Variants in WNK2 observed in about 807,000 individuals in gnomAD.
WNK2 encodes the protein serine/threonine-protein kinase WNK2.
In WNK2, 67 loss-of-function variants were observed where a neutral mutation model predicts 192.1. The observed-to-expected ratio is 0.35, with a 90% CI of 0.29 to 0.43. The LOEUF (loss-of-function observed/expected upper bound fraction) is 0.43. Among genes scored for constraint, WNK2 ranks in the 20% least tolerant of loss-of-function variants. The pLI, the probability that WNK2 is intolerant of heterozygous loss-of-function variation, is 1.00. For missense variants in WNK2, 2,698 were observed against 3,089.7 expected (o/e 0.87, Z 3.01); for synonymous variants, 1,439 against 1,393.9 (o/e 1.03, Z -0.72).
chr9:93,197,774 C>T (rs1245211400), intron 2 of WNK2, among the ~76,000 whole-genome samples: 1 of 152,114 alleles, frequency 6.6e-6, no homozygotes, highest in Non-Finnish European at 1.5e-5. Context: ...CTGCCTGCCT[C>T]GGCCTCCCAA....
In WNK2 at chr9:93,259,052, C is replaced by G. The variant is rs1843757326; in HGVS notation, c.2504C>G (p.Ser835Cys). Residue 835 changes from serine (S) to cysteine (C), a missense_variant, in exon 12 of 30, where the codon TCT becomes TGT. Around this residue, in one of 7 missense-constraint regions of WNK2, gnomAD observed 893 missense variants for 909.0 expected, o/e 0.98. Transcript: ENST00000427277. This position sits in a 1 kb window ranked among gnomAD's most constrained non-coding sequence, Gnocchi z 4.8. ...CCCGTGCCACCACCTCAGTATTTCT[C>G]TCCAGCCGTGATCTTGCCGAGCCTC... ...VPPVPPPQYF[S>C]PAVILPSLAA... 2 of 1,612,994 alleles carry G rather than the reference C, an allele frequency of 1.2e-6. No individual in the cohort carries two copies. Among genetic ancestry groups the G allele is most frequent in the South Asian group, 1.1e-5 (1 of 91,080 alleles).
rs535361865 is a variant in WNK2, at chr9:93,256,850, G to C, written c.2191-98G>C. 75 of 1,145,740 alleles carry C rather than the reference G, an allele frequency of 6.5e-5. No homozygotes were observed. The East Asian group carries it at 1.9e-3, about 30-fold the overall frequency. 71.0% of individuals were successfully genotyped at this position (1,145,740 alleles called of 1,614,324 possible). A position where few individuals can be genotyped will look rare whatever the true frequency, so the allele number is the denominator to read the frequency against. On this transcript the variant is annotated intron_variant, in intron 10 of 29. Coordinates refer to ENST00000427277, the MANE Select transcript of WNK2 (RefSeq NM_006648.4). ...TGAATGTGAGCATGTGCGTGTGCAT[G>C]TGAGGGTGAGGGTTGATATCCTGTC...
At chr9:93,263,447 G>A in intron 14 of WNK2, 119 bp from the exon 15 acceptor site, 1 of 1,316,098 alleles carries the variant, frequency 7.6e-7, no homozygotes, top group South Asian at 1.3e-5. Context: ...GGCTGCCTCT[G>A]TAGGTCACAG....
chr9:93,214,697 GCCCC>G (rs371026822), intron 2 of WNK2, among the ~76,000 whole-genome samples: 10 of 80,280 alleles, frequency 1.2e-4, no homozygotes, highest in African/African-American at 4.2e-4. Flanking sequence ...TGAAGGTAGT[GCCCC>G]CCCCCCCCCC....
chr9:93,253,779 A>T (rs1250094277), intron 9 of WNK2, among the ~76,000 whole-genome samples: 1 of 152,150 alleles, frequency 6.6e-6, no homozygotes, highest in East Asian at 1.9e-4. Context: ...CACATTTGGC[A>T]CTTATTTTTT....
At position 93,293,120 on chromosome 9, in the gene WNK2, T is replaced by C; in HGVS notation, c.5655T>C (p.Asp1885=). The C allele has an allele frequency of 6.3e-7, 1 of 1,585,428 alleles. No homozygotes were observed. Among genetic ancestry groups the C allele is most frequent in the Non-Finnish European group, 8.6e-7 (1 of 1,168,160 alleles). ...SQSSYISSDN[D]SELEDADIKK... is the part of the protein sequence containing the mutation. ...CGTCCTACATCAGCAGCGACAATGA[T>C]TCGGAGCTCGAGGATGCTGACATAA... Residue 1885 remains aspartate, a synonymous_variant, in exon 23 of 30, where the codon GAT becomes GAC. Transcript: ENST00000427277.
At chr9:93,301,714 C>T (rs61042273) in intron 26 of WNK2, among the ~76,000 whole-genome samples, 3,365 of 152,252 alleles carry the variant, frequency 0.022, 129 homozygotes, top group African/African-American at 0.077. Context: ...ATGTGCGGCT[C>T]GATCTGGGGC....
At chr9:93,302,922 T>TC (rs1851862306) in intron 26 of WNK2, among the ~76,000 whole-genome samples, 2 of 74,854 alleles carry the variant, frequency 2.7e-5, no homozygotes, top group Admixed American at 3.6e-4. Context: ...CAGAGCAGTC[T>TC]CCCTTTTTTT....
At chr9:93,315,639 C>T (rs184283146) in intron 28 of WNK2, 1 of 152,308 alleles carries the variant, frequency 6.6e-6, no homozygotes, top group African/African-American at 2.4e-5. Flanking sequence ...CTGAAGTCTT[C>T]TCCTTCTTAG....
intron 19 of WNK2, among the ~76,000 whole-genome samples, chr9:93,284,564 C>G (rs1345238885): frequency 2.2e-5 from 3 of 138,628 alleles, no homozygotes; most frequent in African/African-American, 8.2e-5. Flanking sequence ...CTCAGCACTT[C>G]TATTAAGTAT....
intron 19 of WNK2, among the ~76,000 whole-genome samples, chr9:93,281,213 A>G (rs1161755424): frequency 6.6e-6 from 1 of 152,214 alleles, no homozygotes; most frequent in Non-Finnish European, 1.5e-5. Flanking sequence ...TGTAGCAGTT[A>G]TACCTAAATA....
chr9:93,259,237 C>G lies in WNK2; in HGVS notation c.2689C>G (p.Leu897Val). Residue 897 changes from leucine (L) to valine (V), a missense_variant, in exon 12 of 30, where the codon CTG (leucine) becomes GTG (valine). Leu to Val is a conservative substitution (Grantham distance 32). Coordinates refer to ENST00000427277, the MANE Select transcript of WNK2 (RefSeq NM_006648.4). This position sits in a 1 kb window ranked among gnomAD's most constrained non-coding sequence, Gnocchi z 4.8. ...CGTAGCCCCACCGGGCGTGGCTGCC[C>G]TGTCCATTCATTCTGCCGTGGCCCA... Reference protein sequence around the residue: ...LAVAPPGVAALSIHSAVAQLP... With the variant: ...LAVAPPGVAAVSIHSAVAQLP... 1 of 1,613,398 alleles carries G rather than the reference C, an allele frequency of 6.2e-7. No individual in the cohort carries two copies. Among genetic ancestry groups the G allele is most frequent in the South Asian group, 1.1e-5 (1 of 91,082 alleles).
chr9:93,258,985 C>T lies in WNK2; in HGVS notation c.2437C>T (p.Leu813Phe), dbSNP rs779930274. ...PITPLAGIDG[L>F]PPALPDLPTA... The stretch of plus-strand genomic sequence containing the variant: ...CACGCCCCTGGCGGGAATCGACGGC[C>T]TCCCTCCGGCCCTCCCAGACCTGCC... The change falls in exon 12 of 30, where the codon CTC becomes TTC. Residue 813 changes from leucine to phenylalanine, a missense_variant. This residue lies in a region of WNK2 where 893 missense variants were observed against 909.0 expected (regional missense o/e 0.98). Coordinates refer to ENST00000427277, the MANE Select transcript of WNK2 (RefSeq NM_006648.4). 6.2e-7 allele frequency: 1 copy of T among 1,612,980 alleles called. No individual in the cohort carries two copies.
At chr9:93,242,774 GGTC>G (rs1397589350) in intron 7 of WNK2, among the ~76,000 whole-genome samples, 3 of 152,212 alleles carry the variant, frequency 2.0e-5, no homozygotes, top group Non-Finnish European at 4.4e-5. Flanking sequence ...GGATGAGGAA[GGTC>G]CTGGGGCAGC....
intron 4 of WNK2, among the ~76,000 whole-genome samples, chr9:93,232,488 C>T (rs920682560): frequency 6.6e-6 from 1 of 152,168 alleles, no homozygotes. Context: ...GCAGATTTTG[C>T]AAATTTGGCT....
intron 8 of WNK2, among the ~76,000 whole-genome samples, chr9:93,249,977 G>A (rs370239190): frequency 1.4e-5 from 2 of 143,116 alleles, no homozygotes; most frequent in East Asian, 2.1e-4. Flanking sequence ...GCACTGGTGC[G>A]ATGTTGGCTC....
At chr9:93,304,998 C>T (rs1262521265) in intron 26 of WNK2, among the ~76,000 whole-genome samples, 1 of 152,234 alleles carries the variant, frequency 6.6e-6, no homozygotes, top group African/African-American at 2.4e-5. Flanking sequence ...CCAGACACTC[C>T]AGACCCCAGG....
chr9:93,255,136 G>A lies in WNK2; in HGVS notation c.2035-1163G>A, dbSNP rs369008954. Among the ~76,000 whole-genome samples, 10 of 152,320 alleles carry A rather than the reference G, an allele frequency of 6.6e-5. No homozygotes were observed. The East Asian group carries it at 1.7e-3, about 26-fold the overall frequency. On this transcript the variant is annotated intron_variant, in intron 9 of 29. Coordinates refer to ENST00000427277, the MANE Select transcript of WNK2 (RefSeq NM_006648.4). ...CAGTCTTCCTACCTAGTGACACAGAGACAACTTACTCAAAAAGGATGAGGC... is the reference window on the plus strand; with the variant it reads ...CAGTCTTCCTACCTAGTGACACAGAAACAACTTACTCAAAAAGGATGAGGC...
In WNK2 at chr9:93,229,726, C is replaced by A; in HGVS notation, c.712C>A (p.Arg238=). 2 of 1,613,242 alleles carry A rather than the reference C, an allele frequency of 1.2e-6. No homozygotes were observed. Among genetic ancestry groups the A allele is most frequent in the South Asian group, 2.2e-5 (2 of 90,976 alleles). ...GAAGCTCACCAAGCTGGAGCGGCAG[C>A]GGTTCAAGGAAGAGGCTGAGATGCT... is the stretch of plus-strand genomic sequence containing the variant. The part of the protein sequence containing the change: ...DRKLTKLERQ[R]FKEEAEMLKG... The change falls in exon 3 of 30, where the codon CGG becomes AGG. Residue 238 remains arginine, a synonymous_variant. Transcript: ENST00000427277. This position sits in a 1 kb window ranked among gnomAD's most constrained non-coding sequence, Gnocchi z 4.9.
Sources: allele counts gnomAD v4.1 joint callset (sites outside exome capture counted in the v4.1 genomes callset), GRCh38; gene constraint gnomAD v4.1.1; regional missense constraint gnomAD v4.1.1; non-coding constraint Gnocchi (gnomAD v3.1); transcripts MANE v1.5; gene names NCBI Gene and HGNC (gene_info 2026-07-23, HGNC 2026-07-21).